Variants in SPAG17 observed in about 807,000 individuals in gnomAD.
SPAG17 encodes the protein sperm associated antigen 17.
Under a neutral mutation model 273.6 loss-of-function variants are expected in SPAG17, and 169 were observed. The ratio of observed to expected loss-of-function variants is 0.62; its 90% CI spans 0.55 to 0.70. SPAG17 has a LOEUF of 0.70. Among genes scored for constraint, SPAG17 ranks in the 30% least tolerant of loss-of-function variants. The pLI, the probability that SPAG17 is intolerant of heterozygous loss-of-function variation, is 0.00. For synonymous variants in SPAG17, 825 were observed against 873.2 expected (o/e 0.94, Z 0.97); for missense variants, 2,557 against 2,627.8 (o/e 0.97, Z 0.59).
chr1:118,049,769 T>C (rs1346292350), intron 20 of SPAG17, among the ~76,000 whole-genome samples: 1 of 152,168 alleles, frequency 6.6e-6, no homozygotes, highest in African/African-American at 2.4e-5. Flanking sequence ...AGTAGGTAGC[T>C]AGTCAGGCAT....
At chr1:118,118,947 A>G (rs1175571833) in intron 3 of SPAG17, among the ~76,000 whole-genome samples, 1 of 152,204 alleles carries the variant, frequency 6.6e-6, no homozygotes, top group Non-Finnish European at 1.5e-5. Context: ...CAAATGAGCC[A>G]AATTATTTCC....
Position 118,091,914 on chromosome 1 carries a change from C to T in SPAG17, c.1246+16G>A. On this transcript the variant is annotated intron_variant, in intron 9 of 48. Coordinates refer to ENST00000336338, the MANE Select transcript of SPAG17 (RefSeq NM_206996.4). ...GCTCATGGTGTTGATCCTCCAGCAGCCGATTTCATACATGCCTGGTGGTGG... is the reference window on the plus strand; with the variant it reads ...GCTCATGGTGTTGATCCTCCAGCAGTCGATTTCATACATGCCTGGTGGTGG... The T allele has an allele frequency of 6.2e-7, 1 of 1,613,170 alleles. No individual in the cohort carries two copies. Among genetic ancestry groups the T allele is most frequent in the Non-Finnish European group, 8.5e-7 (1 of 1,179,230 alleles).
intron 13 of SPAG17, among the ~76,000 whole-genome samples, chr1:118,083,611 C>A (rs1204896895): frequency 6.6e-6 from 1 of 151,992 alleles, no homozygotes; most frequent in African/African-American, 2.4e-5. Flanking sequence ...ATGGTGAAAG[C>A]CCATCTCTAC....
intron 1 of SPAG17, among the ~76,000 whole-genome samples, chr1:118,177,600 A>C (rs1036203058): frequency 1.3e-5 from 2 of 152,214 alleles, no homozygotes. Context: ...AATGAAAATG[A>C]AGCTAAAAAA....
At chr1:117,964,704 C>T (rs1653591555) in intron 47 of SPAG17, 1 of 152,176 alleles carries the variant, frequency 6.6e-6, no homozygotes, top group South Asian at 2.1e-4. Context: ...TGTCCTCCCA[C>T]TGGAATGTAA....
chr1:118,147,641 T>G (rs968447468), intron 3 of SPAG17, among the ~76,000 whole-genome samples: 8 of 152,228 alleles, frequency 5.3e-5, no homozygotes, highest in African/African-American at 1.4e-4. Flanking sequence ...GGTTTATAAA[T>G]AAAGACTTTC....
Position 117,994,429 on chromosome 1 carries a change from A to C in SPAG17, c.5155T>G (p.Trp1719Gly). Residue 1719 changes from tryptophan to glycine, a missense_variant, in exon 35 of 49, where the codon TGG (tryptophan) becomes GGG (glycine). Trp to Gly is a radical substitution (Grantham distance 184, BLOSUM62 -2). Transcript: ENST00000336338. ...IVPPNLRSRSWETFPSVEKKT... is the reference protein window; with the variant it reads ...IVPPNLRSRSGETFPSVEKKT... ...ACCTCAACTGAGGGAAATGTTTCCC[A>C]TGACCTTGACCGGAGATTAGGAGGG... The C allele has an allele frequency of 6.2e-7, 1 of 1,612,634 alleles. No individual in the cohort carries two copies. Among genetic ancestry groups the C allele is most frequent in the South Asian group, 1.1e-5 (1 of 90,906 alleles).
intron 46 of SPAG17, 135 bp from the exon 47 acceptor site, chr1:117,966,888 G>C: frequency 1.5e-6 from 1 of 649,580 alleles, no homozygotes; most frequent in Non-Finnish European, 2.4e-6. Context: ...ACTAACAAAT[G>C]GTAGTTATTA....
intron 5 of SPAG17, among the ~76,000 whole-genome samples, 195 bp from the exon 6 acceptor site, chr1:118,099,995 T>C (rs1655959666): frequency 6.6e-6 from 1 of 152,244 alleles, no homozygotes; most frequent in African/African-American, 2.4e-5. Context: ...GCTGTGACTA[T>C]TTTACAAAAT....
chr1:118,119,247 G>A (rs1657281216), intron 3 of SPAG17, among the ~76,000 whole-genome samples: 1 of 152,330 alleles, frequency 6.6e-6, no homozygotes, highest in South Asian at 2.1e-4. Flanking sequence ...GTGTTGACAA[G>A]AAGTCATATG....
chr1:117,972,192 G>C (rs1022404669), intron 44 of SPAG17, 145 bp from the exon 45 acceptor site: 76 of 706,348 alleles, frequency 1.1e-4, no homozygotes, highest in Non-Finnish European at 4.8e-5. Context: ...CCTTACAACA[G>C]TCCTGTGAGG....
chr1:118,125,245 A>ATATATATATATATATATT (rs146004766), intron 3 of SPAG17, among the ~76,000 whole-genome samples: 3 of 150,750 alleles, frequency 2.0e-5, no homozygotes, highest in African/African-American at 7.4e-5. Flanking sequence ...ATATATATAT[A>ATATATATATATATATATT]TTTTTGACAT....
chr1:118,029,184 A>C (rs1479735169), intron 25 of SPAG17, among the ~76,000 whole-genome samples: 1 of 152,140 alleles, frequency 6.6e-6, no homozygotes, highest in East Asian at 1.9e-4. Context: ...CAGGAGTTTG[A>C]GCCCACACTA....
intron 13 of SPAG17, among the ~76,000 whole-genome samples, chr1:118,083,153 G>C (rs1654720763): frequency 6.6e-6 from 1 of 151,982 alleles, no homozygotes; most frequent in African/African-American, 2.4e-5. Flanking sequence ...GATGGGTTTT[G>C]CCATGTCGGC....
At chr1:118,060,932 G>A (rs1365814257) in intron 18 of SPAG17, among the ~76,000 whole-genome samples, 2 of 152,050 alleles carry the variant, frequency 1.3e-5, no homozygotes, top group African/African-American at 2.4e-5. Flanking sequence ...GCTAGATTTG[G>A]TATATAAAAA....
At position 118,040,762 on chromosome 1, in the gene SPAG17, T is replaced by C; in HGVS notation, c.3134A>G (p.Gln1045Arg). ...AAACATTGTCTTTTCCACTTCAATC[T>C]GCCCCCCATCAGAAGGATACAGGTA... Reference protein sequence around the residue: ...NYYLYPSDGGQIEVEKTMFEK... With the variant: ...NYYLYPSDGGRIEVEKTMFEK... Residue 1045 changes from glutamine (Q) to arginine (R), a missense_variant, in exon 22 of 49, where the codon CAG (glutamine) becomes CGG (arginine). Coordinates refer to ENST00000336338, the MANE Select transcript of SPAG17 (RefSeq NM_206996.4). 3 of 1,604,186 alleles carry C rather than the reference T, an allele frequency of 1.9e-6. No individual in the cohort carries two copies. Among genetic ancestry groups the C allele is most frequent in the Non-Finnish European group, 2.6e-6 (3 of 1,170,822 alleles).
rs1392862556 is a variant in SPAG17 at position 117,973,524 on chromosome 1, C to T, written c.6042G>A (p.Gln2014=). ...ESYEPVKIPT[Q]SLLQDVAGQT... is the part of the protein sequence containing the mutation. ...GTCCCGCAACATCCTGCAGCAAGGA[C>T]TGGGTTGGAATTTTCACGGGCTCAT... The change falls in exon 44 of 49, where the codon CAG becomes CAA. Residue 2014 remains glutamine, a synonymous_variant. Coordinates refer to ENST00000336338, the MANE Select transcript of SPAG17 (RefSeq NM_206996.4). The T allele has an allele frequency of 1.9e-6, 3 of 1,613,988 alleles. No homozygotes were observed. The highest frequency in any genetic ancestry group is 1.7e-6 in the Non-Finnish European group (2 of 1,179,908).
At chr1:118,110,333 C>A (rs145280425) in intron 4 of SPAG17, among the ~76,000 whole-genome samples, 1 of 151,782 alleles carries the variant, frequency 6.6e-6, no homozygotes, top group South Asian at 2.1e-4. Context: ...ATTACAGCTG[C>A]GTAAAGAAGC....
At chr1:118,128,027 C>A (rs1657835716) in intron 3 of SPAG17, among the ~76,000 whole-genome samples, 1 of 151,782 alleles carries the variant, frequency 6.6e-6, no homozygotes, top group African/African-American at 2.4e-5. Context: ...GAGGCTGACG[C>A]AGGAGAATCG....
Sources: gnomAD v4.1 joint callset for allele counts (sites outside exome capture counted in the v4.1 genomes callset) on GRCh38, gnomAD v4.1.1 for gene constraint, MANE v1.5 for transcripts, NCBI Gene and HGNC (gene_info 2026-07-23, HGNC 2026-07-21) for gene names.